UNC93A: variants seen among roughly 807,000 people sequenced by gnomAD.
The protein encoded by UNC93A is unc-93 homolog A, also known as N-acetylglucosamine transporter UNC93A.
Under a neutral mutation model 47.5 loss-of-function variants are expected in UNC93A, and 43 were observed. The ratio of observed to expected loss-of-function variants is 0.91; its 90% CI spans 0.71 to 1.17. The LOEUF (loss-of-function observed/expected upper bound fraction) is 1.17, where lower values mean the gene tolerates loss of function less well. UNC93A is among the 50% of genes most tolerant of loss of function. UNC93A has a pLI of 0.00. For missense variants in UNC93A, 605 were observed against 577.6 expected (o/e 1.05, Z -0.49); for synonymous variants, 280 against 258.0 (o/e 1.09, Z -0.82).
intron 1 of UNC93A, among the ~76,000 whole-genome samples, chr6:167,284,474 G>A (rs961706054): frequency 1.8e-4 from 28 of 152,400 alleles, no homozygotes; most frequent in South Asian, 6.2e-4. Flanking sequence ...GGCTGGGGAG[G>A]GATGGGGGAC....
At chr6:167,287,757 G>A, upstream of UNC93A, among the ~76,000 whole-genome samples, 1 of 152,106 alleles carries the variant, frequency 6.6e-6, no homozygotes, top group South Asian at 2.1e-4. Flanking sequence ...GTGTGTGTGT[G>A]TGCACTGTGC....
At chr6:167,286,019 A>G (rs1783725236) in intron 1 of UNC93A, among the ~76,000 whole-genome samples, 1 of 150,310 alleles carries the variant, frequency 6.7e-6, no homozygotes, top group Non-Finnish European at 1.5e-5. Flanking sequence ...CATTTTGTAT[A>G]TATGCATGTC....
chr6:167,298,586 G>C (rs1056911685), intron 4 of UNC93A, among the ~76,000 whole-genome samples: 1 of 151,726 alleles, frequency 6.6e-6, no homozygotes, highest in Non-Finnish European at 1.5e-5. Context: ...AGAGGGGCGA[G>C]TGCTCCCAAG....
intron 7 of UNC93A, 61 bp downstream of exon 7, chr6:167,307,971 A>G: frequency 3.8e-6 from 6 of 1,596,636 alleles, no homozygotes; most frequent in East Asian, 2.3e-5. Flanking sequence ...TGGCCAAGGC[A>G]ACTGTGGGGC....
chr6:167,290,665 C>CATTTATCAG (rs1367620307), upstream of UNC93A, among the ~76,000 whole-genome samples: 1 of 152,182 alleles, frequency 6.6e-6, no homozygotes, highest in Non-Finnish European at 1.5e-5. Context: ...ATCAGTTGCA[C>CATTTATCAG]TTGCCACATT....
chr6:167,294,457 T>C, intron 1 of UNC93A, 60 bp from the exon 2 acceptor site: 1 of 1,582,748 alleles, frequency 6.3e-7, no homozygotes, highest in Non-Finnish European at 8.6e-7. Flanking sequence ...GAGGACCTGC[T>C]GGTGCCTCAT....
chr6:167,300,290 C>T (rs1437575953), intron 4 of UNC93A, among the ~76,000 whole-genome samples: 2 of 152,142 alleles, frequency 1.3e-5, no homozygotes, highest in African/African-American at 4.8e-5. Context: ...GGAATTGTTA[C>T]AGAGAAGGGA....
chr6:167,294,147 G>T (rs1432542343), intron 1 of UNC93A, among the ~76,000 whole-genome samples: 2 of 152,140 alleles, frequency 1.3e-5, no homozygotes, highest in African/African-American at 4.8e-5. Flanking sequence ...GAGCACGCAG[G>T]CTCCTCACAG....
At chr6:167,293,781 G>A (rs1212589427) in intron 1 of UNC93A, among the ~76,000 whole-genome samples, 1 of 152,170 alleles carries the variant, frequency 6.6e-6, no homozygotes, top group African/African-American at 2.4e-5. Flanking sequence ...ACCTCCCCCT[G>A]TAGCCACCAC....
intron 1 of UNC93A, 54 bp from the exon 2 acceptor site, chr6:167,294,463 C>T (rs937595385): frequency 1.9e-6 from 3 of 1,594,914 alleles, no homozygotes; most frequent in Admixed American, 1.7e-5. Flanking sequence ...CTGCTGGTGC[C>T]TCATCCCGCT....
chr6:167,278,787 T>G (rs1047957789), intron 1 of UNC93A, among the ~76,000 whole-genome samples: 1 of 152,142 alleles, frequency 6.6e-6, no homozygotes, highest in Non-Finnish European at 1.5e-5. Context: ...AGGGTGGCAC[T>G]GTGTGGAAGC....
chr6:167,314,963 G>A (rs1362179310), intron 7 of UNC93A, among the ~76,000 whole-genome samples: 2 of 152,118 alleles, frequency 1.3e-5, no homozygotes, highest in Admixed American at 6.5e-5. Context: ...CACGGGCACC[G>A]GTCCTCAACC....
intron 6 of UNC93A, 57 bp downstream of exon 6, chr6:167,306,107 C>T (rs1043135106): frequency 2.6e-5 from 41 of 1,605,644 alleles, no homozygotes; most frequent in African/African-American, 1.7e-4. Context: ...GTAGCAAAAG[C>T]GCACAGCTCA....
intron 7 of UNC93A, among the ~76,000 whole-genome samples, chr6:167,311,290 C>T (rs1778549806): frequency 2.0e-5 from 3 of 152,186 alleles, no homozygotes; most frequent in Admixed American, 2.0e-4. Context: ...CTTACAGTCT[C>T]CCACTTAGAA....
intron 7 of UNC93A, among the ~76,000 whole-genome samples, chr6:167,312,967 A>T (rs1562362640): frequency 6.6e-6 from 1 of 152,316 alleles, no homozygotes; most frequent in East Asian, 1.9e-4. Flanking sequence ...CGAGTGGGAC[A>T]AACGGTTTCC....
chr6:167,284,724 C>T (rs1374785234), intron 1 of UNC93A, among the ~76,000 whole-genome samples: 2 of 152,282 alleles, frequency 1.3e-5, no homozygotes, highest in Non-Finnish European at 2.9e-5. Flanking sequence ...AGTGCCCACA[C>T]ACAGCCCATT....
chr6:167,305,852 C>G, intron 5 of UNC93A, 63 bp from the exon 6 acceptor site: 1 of 1,610,060 alleles, frequency 6.2e-7, no homozygotes, highest in Non-Finnish European at 8.5e-7. Flanking sequence ...CCGACTGCAG[C>G]TTTAGCTTGA....
At chr6:167,281,047 C>G (rs1396193638) in intron 1 of UNC93A, among the ~76,000 whole-genome samples, 1 of 152,066 alleles carries the variant, frequency 6.6e-6, no homozygotes, top group Admixed American at 6.6e-5. Context: ...TCATGATTGC[C>G]CAGAAGGATG....
chr6:167,282,567 T>C (rs1301700140), intron 1 of UNC93A, among the ~76,000 whole-genome samples: 2 of 152,188 alleles, frequency 1.3e-5, no homozygotes, highest in Non-Finnish European at 2.9e-5. Flanking sequence ...CAACAGATTT[T>C]GTAGCAAATG....
Sources: gnomAD v4.1 joint callset for allele counts (sites outside exome capture counted in the v4.1 genomes callset) on GRCh38, gnomAD v4.1.1 for gene constraint, MANE v1.5 for transcripts, NCBI Gene and HGNC (gene_info 2026-07-23, HGNC 2026-07-21) for gene names.